Variants in DGKB observed in about 807,000 individuals in gnomAD.
DGKB encodes diacylglycerol kinase beta, also known as 90 kDa diacylglycerol kinase.
DGKB carries 67 observed loss-of-function variants against 114.3 expected under a neutral mutation model. The ratio of observed to expected loss-of-function variants is 0.59; its 90% CI spans 0.48 to 0.72. The LOEUF (loss-of-function observed/expected upper bound fraction) is 0.72, where lower values mean the gene tolerates loss of function less well. Ranked by LOEUF, DGKB falls within the 30% of genes least tolerant of loss-of-function variation. The pLI is 0.00. For missense variants in DGKB, 907 were observed against 975.2 expected, an observed-to-expected ratio of 0.93 and a Z score of 0.93; for synonymous variants, 398 against 323.1, an observed-to-expected ratio of 1.23 and a Z score of -2.49.
intron 12 of DGKB, among the ~76,000 whole-genome samples, chr7:14,681,146 T>A (rs1326209295): frequency 1.3e-5 from 2 of 151,970 alleles, no homozygotes; most frequent in African/African-American, 4.8e-5. Context: ...TCTACATGAA[T>A]GTTTTTAAAA....
At chr7:14,430,951 TAGA>T in intron 21 of DGKB, among the ~76,000 whole-genome samples, 1 of 152,190 alleles carries the variant, frequency 6.6e-6, no homozygotes, top group East Asian at 1.9e-4. Context: ...CATATCTACC[TAGA>T]AGAGCCTACC....
chr7:14,228,147 T>C (rs1791117415), intron 23 of DGKB, among the ~76,000 whole-genome samples: 1 of 152,034 alleles, frequency 6.6e-6, no homozygotes, highest in African/African-American at 2.4e-5. Flanking sequence ...CTAATTCCAG[T>C]GATGACAAGA....
chr7:14,383,249 G>T (rs1005036747), intron 21 of DGKB, among the ~76,000 whole-genome samples: 1 of 152,068 alleles, frequency 6.6e-6, no homozygotes, highest in Admixed American at 6.6e-5. Context: ...CCTTTTTTAG[G>T]GGGGACTGAT....
At chr7:14,514,090 A>G (rs1788396696) in intron 20 of DGKB, among the ~76,000 whole-genome samples, 1 of 152,106 alleles carries the variant, frequency 6.6e-6, no homozygotes, top group South Asian at 2.1e-4. Flanking sequence ...TGGAAACCCT[A>G]CTAATTAACT....
chr7:14,313,259 G>T lies in DGKB; in HGVS notation c.2122+25256C>A, dbSNP rs537774678. Among the ~76,000 whole-genome samples, 1,320 of 145,276 alleles carry T rather than the reference G, an allele frequency of 9.1e-3. 17 individuals carry two copies. The highest frequency in any genetic ancestry group is 0.036 in the African/African-American group (1,262 of 35,074). On this transcript the variant is annotated intron_variant, in intron 23 of 25. Transcript: ENST00000402815. ...TAGACTTCAATTAAAACAACATATT[G>T]CGGGGAGGAGCCAAGATGGCCGAAT...
chr7:14,734,203 T>A (rs1222079919), intron 5 of DGKB, among the ~76,000 whole-genome samples: 1 of 26,592 alleles, frequency 3.8e-5, no homozygotes, highest in Non-Finnish European at 4.2e-4. Context: ...CCCGGCTAAT[T>A]TTTTTTTTTG....
intron 21 of DGKB, among the ~76,000 whole-genome samples, chr7:14,457,770 T>C (rs1269976113): frequency 6.6e-6 from 1 of 152,206 alleles, no homozygotes; most frequent in East Asian, 1.9e-4. Context: ...GACAGATTGC[T>C]AACATTTTAG....
chr7:14,239,616 A>C (rs368969478), intron 23 of DGKB, among the ~76,000 whole-genome samples: 14 of 152,166 alleles, frequency 9.2e-5, no homozygotes, highest in Middle Eastern at 6.8e-3. Context: ...AGGAAAAAAG[A>C]GAGTAATAAC....
chr7:14,277,662 T>A (rs1799230031), intron 23 of DGKB, among the ~76,000 whole-genome samples: 1 of 152,226 alleles, frequency 6.6e-6, no homozygotes, highest in African/African-American at 2.4e-5. Context: ...TATCCATTCA[T>A]CTGTTGAACA....
chr7:14,653,605 T>C (rs189864248), intron 13 of DGKB, among the ~76,000 whole-genome samples: 38 of 151,916 alleles, frequency 2.5e-4, no homozygotes, highest in Admixed American at 1.1e-3. Flanking sequence ...TGTATGCATA[T>C]GTAACTAACC....
intron 13 of DGKB, among the ~76,000 whole-genome samples, chr7:14,670,134 T>C (rs940865429): frequency 2.0e-5 from 3 of 152,158 alleles, no homozygotes; most frequent in South Asian, 2.1e-4. Flanking sequence ...AGTGTAAATA[T>C]TCATAGTGAA....
intron 25 of DGKB, among the ~76,000 whole-genome samples, chr7:14,166,606 C>T (rs1170615992): frequency 6.6e-6 from 1 of 151,950 alleles, no homozygotes; most frequent in East Asian, 1.9e-4. Context: ...CACTCTATCT[C>T]TCCCACTGAA....
intron 23 of DGKB, among the ~76,000 whole-genome samples, chr7:14,187,023 A>C (rs565944042): frequency 3.1e-4 from 42 of 136,052 alleles, no homozygotes; most frequent in African/African-American, 1.4e-3. Context: ...TGGAAAAATA[A>C]ATAAATAAAT....
intron 20 of DGKB, among the ~76,000 whole-genome samples, chr7:14,569,284 A>T (rs1346919506): frequency 2.0e-5 from 3 of 152,164 alleles, no homozygotes; most frequent in Admixed American, 6.5e-5. Flanking sequence ...AGGAGGCCCA[A>T]GTCAAAGGAA....
rs182433086 is a variant in DGKB at position 14,734,830 on chromosome 7, A to G, written c.322+1211T>C. ...TCAGGTCTTCAATTTTTAAGAGTTC[A>G]CAGAGTCCTGTGATCAAAGAGTGAG... is the stretch of plus-strand genomic sequence containing the variant. On this transcript the variant is annotated intron_variant, in intron 5 of 25. Coordinates refer to ENST00000402815, the MANE Select transcript of DGKB (RefSeq NM_001350709.2). Among the ~76,000 whole-genome samples the G allele has an allele frequency of 3.2e-3, 493 of 152,274 alleles. 1 individual carries two copies. The highest frequency in any genetic ancestry group is 5.6e-3 in the Non-Finnish European group (378 of 68,028).
chr7:14,891,346 G>A (rs1781197198), intron 1 of DGKB, among the ~76,000 whole-genome samples: 1 of 151,386 alleles, frequency 6.6e-6, no homozygotes, highest in Non-Finnish European at 1.5e-5. Flanking sequence ...CAAGAAAGGG[G>A]CATTATCAGA....
chr7:14,531,377 C>G (rs927139837), intron 20 of DGKB, among the ~76,000 whole-genome samples: 3 of 151,326 alleles, frequency 2.0e-5, no homozygotes, highest in Non-Finnish European at 4.4e-5. Flanking sequence ...GATTCAAAAT[C>G]AATACAGAAA....
intron 1 of DGKB, among the ~76,000 whole-genome samples, chr7:14,937,647 T>C (rs1785345894): frequency 6.6e-6 from 1 of 152,136 alleles, no homozygotes; most frequent in South Asian, 2.1e-4. Flanking sequence ...TTTTGTGGTT[T>C]CTCCCTCTTC....
intron 1 of DGKB, among the ~76,000 whole-genome samples, chr7:14,939,621 C>CTTTTTTTTTTTTTTT (rs60427374): frequency 2.4e-5 from 2 of 84,148 alleles, no homozygotes; most frequent in Non-Finnish European, 2.2e-5. Flanking sequence ...AAATATAATA[C>CTTTTTTTTTTTTTTT]TTTTTTTTTT....
Sources: allele counts gnomAD v4.1 joint callset (sites outside exome capture counted in the v4.1 genomes callset), GRCh38; gene constraint gnomAD v4.1.1; transcripts MANE v1.5; gene names NCBI Gene and HGNC (gene_info 2026-07-23, HGNC 2026-07-21).